The following ERC2 variants were observed in gnomAD, a reference collection of about 807,000 sequenced individuals.
ERC2 encodes ERC protein 2.
Under a neutral mutation model 114.8 loss-of-function variants are expected in ERC2, and 42 were observed. The ratio of observed to expected loss-of-function variants is 0.37; its 90% CI spans 0.29 to 0.47. ERC2 has a LOEUF of 0.47. Among genes scored for constraint, ERC2 ranks in the 20% least tolerant of loss-of-function variants. The pLI, the probability that ERC2 is intolerant of heterozygous loss-of-function variation, is 0.99. For synonymous variants in ERC2, 454 were observed against 425.5 expected, an observed-to-expected ratio of 1.07 and a Z score of -0.82; for missense variants, 939 against 1,150.7, an observed-to-expected ratio of 0.82 and a Z score of 2.66.
At chr3:56,448,272 T>C (rs577099733) in intron 1 of ERC2, among the ~76,000 whole-genome samples, 42 of 152,318 alleles carry the variant, frequency 2.8e-4, no homozygotes, top group African/African-American at 9.1e-4. Flanking sequence ...TTTACATTGG[T>C]GCTAACACTC....
intron 2 of ERC2, among the ~76,000 whole-genome samples, chr3:56,419,339 G>A (rs945835395): frequency 5.3e-5 from 8 of 152,158 alleles, no homozygotes; most frequent in Non-Finnish European, 7.4e-5. Flanking sequence ...TGGAATTTTC[G>A]TACCCAGAGA....
chr3:56,285,756 G>A (rs1351453984), intron 3 of ERC2, among the ~76,000 whole-genome samples: 2 of 152,192 alleles, frequency 1.3e-5, no homozygotes, highest in African/African-American at 2.4e-5. Flanking sequence ...ACAACCTGCA[G>A]ATATACACAG....
At chr3:55,976,358 C>T (rs1237680116) in intron 12 of ERC2, among the ~76,000 whole-genome samples, 3 of 152,160 alleles carry the variant, frequency 2.0e-5, no homozygotes, top group East Asian at 1.9e-4. Flanking sequence ...GTTGGCTCAC[C>T]TTTCACCCCC....
intron 11 of ERC2, 104 bp from the exon 12 acceptor site, chr3:55,986,092 T>C (rs1009894735): frequency 7.5e-6 from 8 of 1,071,478 alleles, no homozygotes; most frequent in Admixed American, 4.1e-5. Flanking sequence ...TTTAAACATA[T>C]AGCCAACAGA....
chr3:56,220,476 C>G (rs1356782202), intron 3 of ERC2, among the ~76,000 whole-genome samples: 2 of 152,252 alleles, frequency 1.3e-5, no homozygotes, highest in East Asian at 3.9e-4. Context: ...CAGGGCAGCT[C>G]ACAGGATCAT....
At chr3:55,620,230 GT>G (rs1231030300) in intron 17 of ERC2, among the ~76,000 whole-genome samples, 2 of 152,074 alleles carry the variant, frequency 1.3e-5, no homozygotes, top group African/African-American at 4.8e-5. Context: ...GATTGGCTTT[GT>G]TATGATTTTT....
intron 14 of ERC2, among the ~76,000 whole-genome samples, chr3:55,789,808 T>A (rs57802485): frequency 0.14 from 21,451 of 152,032 alleles, 1,718 homozygotes; most frequent in East Asian, 0.23. Flanking sequence ...GGCAGAAGAG[T>A]TCCAGAGCCA....
At chr3:56,127,774 T>C (rs1455346535) in intron 6 of ERC2, among the ~76,000 whole-genome samples, 4 of 147,010 alleles carry the variant, frequency 2.7e-5, no homozygotes, top group Admixed American at 6.8e-5. Flanking sequence ...AACAGATACA[T>C]AGTCCAGTGG....
chr3:55,559,299 G>C (rs2107468859), intron 17 of ERC2, among the ~76,000 whole-genome samples: 1 of 152,368 alleles, frequency 6.6e-6, no homozygotes, highest in East Asian at 1.9e-4. Flanking sequence ...CATCTGTGGA[G>C]TGTAGCTCTG....
In ERC2 at chr3:56,277,008, C is replaced by T. The variant is rs146274680; in HGVS notation, c.1074+19011G>A. On this transcript the variant is annotated intron_variant, in intron 3 of 17. Transcript: ENST00000288221. Reference sequence around the variant, plus strand: ...GCCCCCATCTTTCCTACTTATCTGTCGATGAACTTTGCCTCATCCCTAGGG... The same window carrying T: ...GCCCCCATCTTTCCTACTTATCTGTTGATGAACTTTGCCTCATCCCTAGGG... 5.7e-3 allele frequency among the ~76,000 whole-genome samples: 865 copies of T among 152,310 alleles called. 6 individuals are homozygous for T. Among genetic ancestry groups the T allele is most frequent in the African/African-American group, 0.019 (801 of 41,556 alleles).
intron 3 of ERC2, among the ~76,000 whole-genome samples, chr3:56,292,520 G>A (rs2055157922): frequency 6.6e-6 from 1 of 151,964 alleles, no homozygotes; most frequent in African/African-American, 2.4e-5. Context: ...AACCTGGGAG[G>A]TAGAGGTTGC....
At chr3:56,390,228 C>G (rs999810325) in intron 2 of ERC2, among the ~76,000 whole-genome samples, 11 of 152,242 alleles carry the variant, frequency 7.2e-5, no homozygotes, top group African/African-American at 2.6e-4. Flanking sequence ...GCATAAAATA[C>G]CCATCACTCA....
At chr3:55,716,370 C>T (rs552155285) in intron 15 of ERC2, among the ~76,000 whole-genome samples, 31 of 152,284 alleles carry the variant, frequency 2.0e-4, no homozygotes, top group Non-Finnish European at 3.8e-4. Flanking sequence ...ACTTCAGCCT[C>T]CATAACAGTT....
Position 56,018,924 on chromosome 3 carries a change from C to T in ERC2, c.1749G>A (p.Leu583=). Reference sequence around the variant, plus strand: ...CTGACAGAGCTTCCTCTAGCGTCGCCAGTGCAGTATCTGTATTACTGGAAT... The same window carrying T: ...CTGACAGAGCTTCCTCTAGCGTCGCTAGTGCAGTATCTGTATTACTGGAAT... ...QTDSSNTDTA[L]ATLEEALSEK... is the part of the protein sequence containing the mutation. The change falls in exon 8 of 18, where the codon CTG becomes CTA. Residue 583 remains leucine (L), a synonymous_variant. Transcript: ENST00000288221. 2 of 1,613,058 alleles carry T rather than the reference C, an allele frequency of 1.2e-6. No homozygotes were observed. Among genetic ancestry groups the T allele is most frequent in the African/African-American group, 2.7e-5 (2 of 74,974 alleles).
At chr3:56,033,355 T>A (rs1307640738) in intron 7 of ERC2, among the ~76,000 whole-genome samples, 1 of 152,260 alleles carries the variant, frequency 6.6e-6, no homozygotes, top group Non-Finnish European at 1.5e-5. Context: ...GTTCCACTAT[T>A]ACAGTTTTAG....
In ERC2 at chr3:55,821,994, T is replaced by C. The variant is rs74571967; in HGVS notation, c.2564+66395A>G. ...ATGGAGTTGGTTAAAAAATGATCTT[T>C]CCTTTGATGTTTCCTAAGACTTCAT... is the stretch of plus-strand genomic sequence containing the variant. On this transcript the variant is annotated intron_variant, in intron 14 of 17. Transcript: ENST00000288221. 0.019 allele frequency among the ~76,000 whole-genome samples: 2,822 copies of C among 152,332 alleles called. 215 individuals are homozygous for C. In the East Asian group the frequency reaches 0.26, roughly 14 times the overall value.
At chr3:56,219,241 C>T (rs2049728687) in intron 3 of ERC2, among the ~76,000 whole-genome samples, 1 of 152,064 alleles carries the variant, frequency 6.6e-6, no homozygotes, top group African/African-American at 2.4e-5. Flanking sequence ...AGAACTTACT[C>T]ATGTAACCAA....
intron 2 of ERC2, among the ~76,000 whole-genome samples, chr3:56,349,005 T>G (rs992605206): frequency 6.6e-6 from 1 of 151,180 alleles, no homozygotes; most frequent in African/African-American, 2.4e-5. Flanking sequence ...AGAAAGAATT[T>G]AGTAACAGAA....
intron 6 of ERC2, among the ~76,000 whole-genome samples, chr3:56,117,076 C>A (rs1367425251): frequency 6.6e-6 from 1 of 152,214 alleles, no homozygotes. Context: ...AAGATAAATC[C>A]TGGATTTGAA....
Sources: allele counts gnomAD v4.1 joint callset (sites outside exome capture counted in the v4.1 genomes callset), GRCh38; gene constraint gnomAD v4.1.1; transcripts MANE v1.5; gene names NCBI Gene and HGNC (gene_info 2026-07-23, HGNC 2026-07-21).